Variants in COPS2 observed in about 807,000 individuals in gnomAD.
COPS2 encodes COP9 signalosome subunit 2.
A neutral mutation model predicts 66.1 loss-of-function variants in COPS2; 10 were observed. The ratio of observed to expected loss-of-function variants is 0.15; its 90% CI spans 0.09 to 0.26. COPS2 has a LOEUF of 0.26. Ranked by LOEUF, COPS2 falls within the 10% of genes least tolerant of loss-of-function variation. The probability of loss-of-function intolerance (pLI) is 1.00; values close to 1 mark genes in which losing one functional copy is unlikely to be tolerated. For synonymous variants in COPS2, 179 were observed against 171.3 expected, an observed-to-expected ratio of 1.04 and a Z score of -0.35; for missense variants, 215 against 513.3, an observed-to-expected ratio of 0.42 and a Z score of 5.62.
intron 6 of COPS2, among the ~76,000 whole-genome samples, chr15:49,136,042 G>A (rs1446808815): frequency 1.3e-5 from 2 of 152,012 alleles, no homozygotes; most frequent in African/African-American, 4.8e-5. Flanking sequence ...GTGTAGATAA[G>A]AAATAATTCC....
chr15:49,133,254 C>G (rs547162628), intron 9 of COPS2, among the ~76,000 whole-genome samples: 47 of 152,308 alleles, frequency 3.1e-4, no homozygotes, highest in Non-Finnish European at 6.3e-4. Flanking sequence ...TCCCAAAGTG[C>G]TGGGATGACA....
Position 49,125,960 on chromosome 15 carries a change from T to G in COPS2, c.*1990A>C, listed in dbSNP as rs1410709613. 2 of 152,276 alleles carry G rather than the reference T, an allele frequency of 1.3e-5. No homozygotes were observed. Among genetic ancestry groups the G allele is most frequent in the Non-Finnish European group, 2.9e-5 (2 of 67,958 alleles). The allele number at this position is 152,276 out of a possible 1,614,324, so 9.4% of individuals were successfully genotyped here. ...TCATTTCATTCAAATCTTTGAATTC[T>G]AATTCCATCAACTCAAAAGTTAAGA... On this transcript the variant is annotated 3_prime_UTR_variant, in exon 13 of 13. Coordinates refer to ENST00000388901, the MANE Select transcript of COPS2 (RefSeq NM_004236.4).
intron 1 of COPS2, among the ~76,000 whole-genome samples, chr15:49,155,080 C>G (rs1252824340): frequency 6.6e-6 from 1 of 152,252 alleles, no homozygotes; most frequent in Non-Finnish European, 1.5e-5. Context: ...AAGGACACCC[C>G]CGTTTTCTGA....
At chr15:49,128,671 A>G in intron 12 of COPS2, 31 bp downstream of exon 12, 2 of 1,499,722 alleles carry the variant, frequency 1.3e-6, no homozygotes, top group Non-Finnish European at 1.8e-6. Context: ...GGTACCAAAT[A>G]TTTTGTGATA....
In COPS2 at chr15:49,148,539, A is replaced by C. The variant is rs147755075; in HGVS notation, c.55-3461T>G. ...TGGGCTGAAGCACAGGATGTTATGT[A>C]AAGGGCTGATGAAAGATGAACTGGT... On this transcript the variant is annotated intron_variant, in intron 1 of 12. Transcript: ENST00000388901. Among the ~76,000 whole-genome samples the C allele has an allele frequency of 2.9e-3, 442 of 152,344 alleles. 7 individuals are homozygous for C. The East Asian group carries it at 0.033, about 11-fold the overall frequency.
intron 6 of COPS2, 65 bp from the exon 7 acceptor site, chr15:49,134,579 G>A: frequency 7.8e-7 from 1 of 1,274,820 alleles, no homozygotes; most frequent in South Asian, 1.4e-5. Context: ...ATTTGCATTA[G>A]CCTGGAAATC....
At chr15:49,128,674 T>G in intron 12 of COPS2, 28 bp downstream of exon 12, 8 of 1,512,590 alleles carry the variant, frequency 5.3e-6, no homozygotes, top group Non-Finnish European at 6.4e-6. Context: ...ACCAAATATT[T>G]TGTGATAAAA....
intron 3 of COPS2, 61 bp from the exon 4 acceptor site, chr15:49,139,714 G>T: frequency 2.3e-6 from 3 of 1,278,170 alleles, no homozygotes; most frequent in Non-Finnish European, 2.2e-6. Flanking sequence ...ATGTACACAT[G>T]ATTAAGGTTA....
At position 49,128,772 on chromosome 15, in the gene COPS2, G is replaced by C. The variant is rs372447128; in HGVS notation, c.1129-12C>G. The stretch of plus-strand genomic sequence containing the variant: ...TCTATGTTTAACTCCTAAGACAAAA[G>C]ACTTGTTATATACCAATTAACATTT... On this transcript the variant is annotated splice_polypyrimidine_tract_variant and intron_variant, in intron 11 of 12. Coordinates refer to ENST00000388901, the MANE Select transcript of COPS2 (RefSeq NM_004236.4). 433 of 1,578,872 alleles carry C rather than the reference G, an allele frequency of 2.7e-4. 5 individuals are homozygous for C. The South Asian group carries it at 4.1e-3, about 15-fold the overall frequency.
chr15:49,147,216 T>C (rs11635455), intron 1 of COPS2, among the ~76,000 whole-genome samples: 4 of 152,044 alleles, frequency 2.6e-5, no homozygotes, highest in Admixed American at 6.6e-5. Context: ...AAAACTTCAC[T>C]TAACAGTGTT....
chr15:49,145,698 A>T (rs2084316357), intron 1 of COPS2, among the ~76,000 whole-genome samples: 1 of 152,204 alleles, frequency 6.6e-6, no homozygotes, highest in Non-Finnish European at 1.5e-5. Flanking sequence ...GGATTTATAT[A>T]ATTTTATGAG....
At chr15:49,130,234 A>G (rs1343379850) in intron 10 of COPS2, among the ~76,000 whole-genome samples, 1 of 152,184 alleles carries the variant, frequency 6.6e-6, no homozygotes, top group African/African-American at 2.4e-5. Flanking sequence ...AAGAGCAAAG[A>G]GATGATTGTA....
chr15:49,128,776 T>C lies in COPS2; in HGVS notation c.1129-16A>G. On this transcript the variant is annotated splice_polypyrimidine_tract_variant and intron_variant, in intron 11 of 12. Transcript: ENST00000388901. Reference sequence around the variant, plus strand: ...TGTTTAACTCCTAAGACAAAAGACTTGTTATATACCAATTAACATTTTAAA... The same window carrying C: ...TGTTTAACTCCTAAGACAAAAGACTCGTTATATACCAATTAACATTTTAAA... The C allele has an allele frequency of 3.2e-6, 5 of 1,550,892 alleles. No homozygotes were observed. The highest frequency in any genetic ancestry group is 4.4e-6 in the Non-Finnish European group (5 of 1,130,796).
intron 5 of COPS2, 49 bp from the exon 6 acceptor site, chr15:49,137,276 C>A: frequency 6.5e-7 from 1 of 1,530,278 alleles, no homozygotes; most frequent in Non-Finnish European, 9.0e-7. Flanking sequence ...AGAAGATGTG[C>A]ATCTTTAGGA....
Position 49,133,826 on chromosome 15 carries a change from GA to G in COPS2, c.895-16del. On this transcript the variant is annotated splice_polypyrimidine_tract_variant and intron_variant, in intron 8 of 12. Transcript: ENST00000388901. ...TACGGCTTGGCCTAAACACAGTAAA[GA>G]AAAAAATTAAATATATGTACAAAGA... The G allele has an allele frequency of 6.4e-7, 1 of 1,568,046 alleles. No individual in the cohort carries two copies. Among genetic ancestry groups the G allele is most frequent in the Admixed American group, 2.0e-5 (1 of 48,880 alleles).
At chr15:49,133,863 T>TA in intron 8 of COPS2, 52 bp from the exon 9 acceptor site, 1 of 1,545,692 alleles carries the variant, frequency 6.5e-7, no homozygotes, top group Non-Finnish European at 8.7e-7. Context: ...AACAACATTT[T>TA]AAAAAAAGAA....
intron 1 of COPS2, among the ~76,000 whole-genome samples, chr15:49,147,759 T>C (rs1473544090): frequency 6.7e-6 from 1 of 149,740 alleles, no homozygotes; most frequent in Non-Finnish European, 1.5e-5. Flanking sequence ...TCACAATGAC[T>C]GAGAAAAGAT....
chr15:49,128,186 G>T, intron 12 of COPS2, 92 bp from the exon 13 acceptor site: 1 of 1,264,154 alleles, frequency 7.9e-7, no homozygotes, highest in Non-Finnish European at 1.1e-6. Flanking sequence ...ATCAACAAAT[G>T]CCAAAAAAAA....
At chr15:49,135,861 G>C (rs1316286702) in intron 6 of COPS2, among the ~76,000 whole-genome samples, 1 of 152,100 alleles carries the variant, frequency 6.6e-6, no homozygotes, top group Non-Finnish European at 1.5e-5. Context: ...TTACCATCCT[G>C]ATAGCATTTT....
Sources: gnomAD v4.1 joint callset for allele counts (sites outside exome capture counted in the v4.1 genomes callset) on GRCh38, gnomAD v4.1.1 for gene constraint, MANE v1.5 for transcripts, NCBI Gene and HGNC (gene_info 2026-07-23, HGNC 2026-07-21) for gene names.